CMIP: variants seen among roughly 807,000 people sequenced by gnomAD.
The protein encoded by CMIP is C-Maf-inducing protein.
A neutral mutation model predicts 97.3 loss-of-function variants in CMIP; 13 were observed. The observed-to-expected ratio is 0.13, with a 90% CI of 0.09 to 0.21. The LOEUF (loss-of-function observed/expected upper bound fraction) is 0.21, where lower values mean the gene tolerates loss of function less well. Among genes scored for constraint, CMIP ranks in the 10% least tolerant of loss-of-function variants. CMIP has a pLI of 1.00. For synonymous variants in CMIP, 538 were observed against 436.3 expected (o/e 1.23, Z -2.91); for missense variants, 847 against 1,024.9 (o/e 0.83, Z 2.37).
chr16:81,694,985 C>T (rs1906539697), intron 13 of CMIP, among the ~76,000 whole-genome samples: 1 of 152,232 alleles, frequency 6.6e-6, no homozygotes, highest in Non-Finnish European at 1.5e-5. Context: ...TCTCAGAATT[C>T]TCCTGGGAAC....
At chr16:81,668,078 C>G (rs1277036271) in intron 7 of CMIP, among the ~76,000 whole-genome samples, 1 of 152,116 alleles carries the variant, frequency 6.6e-6, no homozygotes, top group Non-Finnish European at 1.5e-5. Context: ...TTCATGCCAG[C>G]TTCGGGGTCA....
chr16:81,678,446 C>T lies in CMIP; in HGVS notation c.1206C>T (p.Ile402=). 1.3e-6 allele frequency: 2 copies of T among 1,590,506 alleles called. No individual in the cohort carries two copies. The highest frequency in any genetic ancestry group is 1.7e-6 in the Non-Finnish European group (2 of 1,169,386). Residue 402 remains isoleucine, a synonymous_variant, in exon 10 of 21, where the codon ATC becomes ATT. Coordinates refer to ENST00000537098, the MANE Select transcript of CMIP (RefSeq NM_198390.3). Reference sequence around the variant, plus strand: ...CGGTGGTCGTGGCCTCCAGTGAGATCCACGTGGAGGTGGAACGCACCAGCA... The same window carrying T: ...CGGTGGTCGTGGCCTCCAGTGAGATTCACGTGGAGGTGGAACGCACCAGCA... ...LKSVVVASSE[I]HVEVERTSTA...
chr16:81,505,374 G>A (rs1352326725), intron 1 of CMIP, among the ~76,000 whole-genome samples: 1 of 152,204 alleles, frequency 6.6e-6, no homozygotes, highest in Admixed American at 6.5e-5. Flanking sequence ...TTGCTTCCAT[G>A]TGGGCCTGGT....
At chr16:81,504,874 T>C (rs1024985715) in intron 1 of CMIP, among the ~76,000 whole-genome samples, 1 of 152,168 alleles carries the variant, frequency 6.6e-6, no homozygotes, top group African/African-American at 2.4e-5. Flanking sequence ...CATTATAGTT[T>C]TCAAAAATAT....
intron 1 of CMIP, among the ~76,000 whole-genome samples, chr16:81,527,733 TG>T (rs2090159995): frequency 2.0e-5 from 3 of 152,260 alleles, no homozygotes; most frequent in African/African-American, 7.2e-5. Flanking sequence ...TGGCTCCACA[TG>T]TGTTTGTGAG....
intron 1 of CMIP, among the ~76,000 whole-genome samples, chr16:81,449,679 CCT>C (rs1413108971): frequency 2.0e-5 from 3 of 151,398 alleles, no homozygotes; most frequent in African/African-American, 4.9e-5. Flanking sequence ...TCCCCCCCCC[CCT>C]TTCCATGCCA....
chr16:81,592,285 C>G (rs185319370), intron 1 of CMIP, among the ~76,000 whole-genome samples: 23 of 152,338 alleles, frequency 1.5e-4, no homozygotes, highest in Non-Finnish European at 1.9e-4. Flanking sequence ...TGTCCTGTCT[C>G]AGGCCCCTGC....
Position 81,453,229 on chromosome 16 carries a change from T to C in CMIP, c.300+7688T>C, listed in dbSNP as rs950333095. Among the ~76,000 whole-genome samples, 2 of 152,098 alleles carry C rather than the reference T, an allele frequency of 1.3e-5. No homozygotes were observed. Among genetic ancestry groups the C allele is most frequent in the African/African-American group, 4.8e-5 (2 of 41,418 alleles). On this transcript the variant is annotated intron_variant, in intron 1 of 20. Coordinates refer to ENST00000537098, the MANE Select transcript of CMIP (RefSeq NM_198390.3). This position sits in a 1 kb window ranked among gnomAD's most constrained non-coding sequence, Gnocchi z 4.0. The stretch of plus-strand genomic sequence containing the variant: ...ACTGCTTTCAAGCTACTGTCAGAAA[T>C]GGTAGGGTGGACGGAGCGACTAAAC...
At chr16:81,646,971 A>G (rs376310063) in intron 3 of CMIP, among the ~76,000 whole-genome samples, 24 of 152,196 alleles carry the variant, frequency 1.6e-4, no homozygotes, top group African/African-American at 5.8e-4. Flanking sequence ...GTAGATTTCT[A>G]GGAACAGAAT....
At chr16:81,697,991 G>GCCCCCCCCCCCCCCC (rs747163023) in intron 14 of CMIP, 2 of 138,036 alleles carry the variant, frequency 1.4e-5, no homozygotes, top group Non-Finnish European at 3.2e-5. Flanking sequence ...GCTCAGCTGC[G>GCCCCCCCCCCCCCCC]CCCCCCCGCC....
intron 1 of CMIP, among the ~76,000 whole-genome samples, chr16:81,561,288 A>G (rs917781043): frequency 1.3e-5 from 2 of 152,214 alleles, no homozygotes; most frequent in African/African-American, 4.8e-5. Flanking sequence ...TTAGGTGATC[A>G]TAGATGCTTT....
At chr16:81,475,062 G>C (rs1431232798) in intron 1 of CMIP, among the ~76,000 whole-genome samples, 1 of 152,170 alleles carries the variant, frequency 6.6e-6, no homozygotes, top group Non-Finnish European at 1.5e-5. Flanking sequence ...GAGCTGCTGT[G>C]GTCAGCATGG....
intron 1 of CMIP, among the ~76,000 whole-genome samples, chr16:81,503,604 T>C (rs1410737458): frequency 6.6e-6 from 1 of 152,214 alleles, no homozygotes; most frequent in Non-Finnish European, 1.5e-5. Context: ...TCTGTGTTGC[T>C]GAGGTTGTTC....
intron 1 of CMIP, among the ~76,000 whole-genome samples, chr16:81,565,709 A>G (rs1174195833): frequency 1.3e-5 from 2 of 152,134 alleles, no homozygotes; most frequent in African/African-American, 2.4e-5. Flanking sequence ...AGTGACACAA[A>G]GACAGCGGCT....
intron 1 of CMIP, among the ~76,000 whole-genome samples, chr16:81,531,539 C>T (rs1244867897): frequency 2.0e-5 from 3 of 152,220 alleles, no homozygotes; most frequent in African/African-American, 4.8e-5. Context: ...CGTCTCTACC[C>T]GCATGGTTAG....
At chr16:81,698,836 C>T (rs1209431914) in intron 14 of CMIP, among the ~76,000 whole-genome samples, 5 of 152,220 alleles carry the variant, frequency 3.3e-5, no homozygotes, top group Non-Finnish European at 5.9e-5. Flanking sequence ...CCAGGTACCT[C>T]ATGTAAGTGG....
intron 9 of CMIP, among the ~76,000 whole-genome samples, chr16:81,674,652 C>G (rs1361624459): frequency 2.0e-5 from 3 of 151,966 alleles, no homozygotes; most frequent in Non-Finnish European, 4.4e-5. Context: ...GTGGCACAAT[C>G]TTGGCTCACT....
intron 7 of CMIP, among the ~76,000 whole-genome samples, chr16:81,668,267 G>A (rs966709957): frequency 2.0e-5 from 3 of 152,128 alleles, no homozygotes; most frequent in Non-Finnish European, 2.9e-5. Flanking sequence ...GGACGGTGCC[G>A]CTCCTGGGTG....
At chr16:81,612,575 G>GA (rs2091849626) in intron 2 of CMIP, among the ~76,000 whole-genome samples, 6 of 152,194 alleles carry the variant, frequency 3.9e-5, no homozygotes, top group Admixed American at 3.9e-4. Context: ...GGGGAGCTTG[G>GA]AAAAGGTCGC....
Sources: gnomAD v4.1 joint callset for allele counts (sites outside exome capture counted in the v4.1 genomes callset) on GRCh38, gnomAD v4.1.1 for gene constraint, Gnocchi (gnomAD v3.1) non-coding constraint, MANE v1.5 for transcripts, NCBI Gene and HGNC (gene_info 2026-07-23, HGNC 2026-07-21) for gene names.